Variants in PDZRN4 observed in about 807,000 individuals in gnomAD.
PDZRN4 encodes PDZ domain-containing RING finger protein 4.
PDZRN4 carries 70 observed loss-of-function variants against 99.0 expected under a neutral mutation model. The ratio of observed to expected loss-of-function variants is 0.71; its 90% CI spans 0.58 to 0.86. The LOEUF is 0.86. PDZRN4 is among the 40% of genes least tolerant of loss of function. The probability of loss-of-function intolerance (pLI) is 0.00; values close to 1 mark genes in which losing one functional copy is unlikely to be tolerated. For missense variants in PDZRN4, 1,474 were observed against 1,331.2 expected, an observed-to-expected ratio of 1.11 and a Z score of -1.67; for synonymous variants, 551 against 501.6, an observed-to-expected ratio of 1.10 and a Z score of -1.32.
At chr12:41,224,307 GCCATGAATCTCTTAA>G (rs1950978475) in intron 3 of PDZRN4, among the ~76,000 whole-genome samples, 1 of 152,166 alleles carries the variant, frequency 6.6e-6, no homozygotes, top group East Asian at 1.9e-4. Context: ...CCCATACTGT[GCCATGAATCTCTTAA>G]CCAATGGCCA....
intron 3 of PDZRN4, among the ~76,000 whole-genome samples, chr12:41,418,889 C>T (rs1331964415): frequency 6.6e-6 from 1 of 152,140 alleles, no homozygotes; most frequent in Admixed American, 6.5e-5. Flanking sequence ...TAGCTGACAA[C>T]CCACAGCCTG....
intron 3 of PDZRN4, among the ~76,000 whole-genome samples, chr12:41,372,265 T>C (rs1952047579): frequency 6.6e-6 from 1 of 152,198 alleles, no homozygotes; most frequent in African/African-American, 2.4e-5. Context: ...AAAATGTGAT[T>C]ATTATGCATT....
intron 8 of PDZRN4, among the ~76,000 whole-genome samples, chr12:41,566,021 A>G (rs1259270613): frequency 6.6e-6 from 1 of 152,198 alleles, no homozygotes; most frequent in African/African-American, 2.4e-5. Context: ...AGGGGGAAAT[A>G]GGAGAGAAGA....
At chr12:41,397,349 CA>C (rs2121133213) in intron 3 of PDZRN4, among the ~76,000 whole-genome samples, 1 of 152,256 alleles carries the variant, frequency 6.6e-6, no homozygotes, top group African/African-American at 2.4e-5. Flanking sequence ...CAAAAATAGG[CA>C]CAACAAAGGA....
At chr12:41,203,764 G>T (rs865994683) in intron 3 of PDZRN4, among the ~76,000 whole-genome samples, 15 of 152,082 alleles carry the variant, frequency 9.9e-5, no homozygotes, top group African/African-American at 3.4e-4. Context: ...AGTGATTCAT[G>T]GTAGATAATC....
intron 3 of PDZRN4, among the ~76,000 whole-genome samples, chr12:41,353,712 G>A (rs1289641336): frequency 6.6e-6 from 1 of 152,030 alleles, no homozygotes; most frequent in African/African-American, 2.4e-5. Flanking sequence ...GGCCTCTCTT[G>A]TTTCATGTCC....
chr12:41,547,623 T>A (rs10459287), intron 5 of PDZRN4, among the ~76,000 whole-genome samples: 1 of 151,936 alleles, frequency 6.6e-6, no homozygotes, highest in Non-Finnish European at 1.5e-5. Context: ...AGACTCTGTC[T>A]CAAAAAAAGA....
At chr12:41,390,425 C>G (rs1417220611) in intron 3 of PDZRN4, among the ~76,000 whole-genome samples, 2 of 151,906 alleles carry the variant, frequency 1.3e-5, no homozygotes, top group Non-Finnish European at 2.9e-5. Context: ...TTGCTCCCCA[C>G]CCCTAACCAA....
Position 41,355,986 on chromosome 12 carries a change from A to G in PDZRN4, c.844-150470A>G, listed in dbSNP as rs1008919696. Among the ~76,000 whole-genome samples the G allele has an allele frequency of 6.6e-5, 10 of 152,144 alleles. No homozygotes were observed. In the South Asian group the frequency reaches 1.0e-3, roughly 16 times the overall value. On this transcript the variant is annotated intron_variant, in intron 3 of 9. Coordinates refer to ENST00000402685, the MANE Select transcript of PDZRN4 (RefSeq NM_001164595.2). ...AAGTATAAATATGAAAGCAAAAATT[A>G]TATGTGAACATTCAAAGATCCTCTT...
At chr12:41,440,468 C>G (rs1055346525) in intron 3 of PDZRN4, among the ~76,000 whole-genome samples, 3 of 152,092 alleles carry the variant, frequency 2.0e-5, no homozygotes, top group Admixed American at 6.5e-5. Context: ...TGGTTTATAA[C>G]TGCAGTAAAC....
intron 4 of PDZRN4, among the ~76,000 whole-genome samples, chr12:41,508,995 T>C (rs1435243724): frequency 6.6e-6 from 1 of 152,186 alleles, no homozygotes; most frequent in Non-Finnish European, 1.5e-5. Flanking sequence ...TGTTAAACTA[T>C]GCTTAGTCTT....
intron 3 of PDZRN4, among the ~76,000 whole-genome samples, chr12:41,251,260 A>T (rs1166053215): frequency 6.6e-6 from 1 of 152,158 alleles, no homozygotes; most frequent in Non-Finnish European, 1.5e-5. Context: ...GCTTTTAATC[A>T]TCAGTCCTCT....
intron 9 of PDZRN4, among the ~76,000 whole-genome samples, chr12:41,569,811 A>T (rs538345368): frequency 6.6e-6 from 1 of 152,250 alleles, no homozygotes; most frequent in African/African-American, 2.4e-5. Flanking sequence ...GAGTTTGGCC[A>T]CTCCACAAAC....
intron 3 of PDZRN4, among the ~76,000 whole-genome samples, chr12:41,413,966 A>C (rs1019794005): frequency 1.3e-5 from 2 of 152,102 alleles, no homozygotes; most frequent in Non-Finnish European, 2.9e-5. Flanking sequence ...TTTCAACTCC[A>C]TGTTTAGAAC....
chr12:41,482,850 A>T (rs1937698794), intron 3 of PDZRN4, among the ~76,000 whole-genome samples: 1 of 152,034 alleles, frequency 6.6e-6, no homozygotes, highest in African/African-American at 2.4e-5. Flanking sequence ...TGGCCTTCTG[A>T]TGAGTGAGGC....
At chr12:41,411,619 A>G (rs1225145258) in intron 3 of PDZRN4, 1 of 152,228 alleles carries the variant, frequency 6.6e-6, no homozygotes, top group African/African-American at 2.4e-5. Flanking sequence ...CTTGGAGGAT[A>G]AGCAAATTCT....
intron 3 of PDZRN4, among the ~76,000 whole-genome samples, chr12:41,401,317 A>T (rs539933361): frequency 6.6e-6 from 1 of 152,306 alleles, no homozygotes; most frequent in South Asian, 2.1e-4. Flanking sequence ...TTTAAAACTG[A>T]AAGTTTCTCT....
intron 3 of PDZRN4, among the ~76,000 whole-genome samples, chr12:41,258,881 T>C (rs1185271765): frequency 6.6e-6 from 1 of 152,012 alleles, no homozygotes; most frequent in Non-Finnish European, 1.5e-5. Context: ...TTATGAGTAG[T>C]GATGATGATG....
At chr12:41,339,388 G>A (rs1004932524) in intron 3 of PDZRN4, among the ~76,000 whole-genome samples, 2 of 151,950 alleles carry the variant, frequency 1.3e-5, no homozygotes, top group Admixed American at 6.6e-5. Context: ...AAAGAATAAA[G>A]CTAGACTCTT....
Sources: gnomAD v4.1 joint callset for allele counts (sites outside exome capture counted in the v4.1 genomes callset) on GRCh38, gnomAD v4.1.1 for gene constraint, MANE v1.5 for transcripts, NCBI Gene and HGNC (gene_info 2026-07-23, HGNC 2026-07-21) for gene names.